SPNS1: variants seen among roughly 807,000 people sequenced by gnomAD.
The protein encoded by SPNS1 is SPNS lysolipid transporter 1, lysophospholipid.
In SPNS1, 22 loss-of-function variants were observed where a neutral mutation model predicts 50.3. That is an observed-to-expected ratio of 0.44 (90% CI 0.31 to 0.62). The LOEUF (loss-of-function observed/expected upper bound fraction) is 0.62, where lower values mean the gene tolerates loss of function less well. SPNS1 is among the 20% of genes least tolerant of loss of function. SPNS1 has a pLI of 0.07. For missense variants in SPNS1, 576 were observed against 728.6 expected, an observed-to-expected ratio of 0.79 and a Z score of 2.41; for synonymous variants, 295 against 317.4, an observed-to-expected ratio of 0.93 and a Z score of 0.75.
At chr16:28,977,358 A>G (rs984733846) in intron 2 of SPNS1, among the ~76,000 whole-genome samples, 1 of 150,556 alleles carries the variant, frequency 6.6e-6, no homozygotes, top group African/African-American at 2.4e-5. Context: ...TGTGAGAGTC[A>G]GGTACTGGAT....
chr16:28,979,727 CTTT>C (rs925986215), intron 5 of SPNS1: 1 of 445,876 alleles, frequency 2.2e-6, no homozygotes, highest in Non-Finnish European at 4.1e-6. Flanking sequence ...ATTAAAAAAA[CTTT>C]TTCTTTTTGT....
At chr16:28,984,607 A>C, downstream of SPNS1, 1 of 611,588 alleles carries the variant, frequency 1.6e-6, no homozygotes. Flanking sequence ...TCTTCACCCC[A>C]GGGCTCCTGA....
intron 2 of SPNS1, 77 bp downstream of exon 2, chr16:28,975,634 T>A: frequency 2.0e-6 from 3 of 1,522,362 alleles, no homozygotes; most frequent in Non-Finnish European, 2.7e-6. Flanking sequence ...CGCTGGCCTG[T>A]CTAGGGGCTC....
downstream of SPNS1, chr16:28,984,752 C>G: frequency 2.0e-6 from 2 of 998,254 alleles, no homozygotes; most frequent in Middle Eastern, 4.1e-4. Flanking sequence ...TCCCTGGAGC[C>G]TGTCCCTTGC....
At chr16:28,979,112 G>GT in intron 3 of SPNS1, 43 bp from the exon 4 acceptor site, 1 of 1,595,528 alleles carries the variant, frequency 6.3e-7, no homozygotes, top group South Asian at 1.1e-5. Flanking sequence ...CCGGAGGCTG[G>GT]TTGCAGGCTG....
rs1783032287 is a variant in SPNS1, at chr16:28,975,049, C to T, written c.-103C>T. 2 of 1,434,246 alleles carry T rather than the reference C, an allele frequency of 1.4e-6. No individual in the cohort carries two copies. The highest frequency in any genetic ancestry group is 1.8e-6 in the Non-Finnish European group (2 of 1,097,298). 88.8% of individuals were successfully genotyped at this position (1,434,246 alleles called of 1,614,324 possible). A position where few individuals can be genotyped will look rare whatever the true frequency, so the allele number is the denominator to read the frequency against. ...AAGCTCCCCGTCTCCGGGCGCACTTCCCTCGCCTGTGTTCGGTCCATCCTC... is the reference window on the plus strand; with the variant it reads ...AAGCTCCCCGTCTCCGGGCGCACTTTCCTCGCCTGTGTTCGGTCCATCCTC... On this transcript the variant is annotated 5_prime_UTR_variant, in exon 1 of 12. Transcript: ENST00000311008.
At chr16:28,984,130 G>GCTGC in intron 11 of SPNS1, 75 bp from the exon 12 acceptor site, 2 of 1,481,218 alleles carry the variant, frequency 1.4e-6, no homozygotes, top group Non-Finnish European at 1.8e-6. Context: ...TCCATTTCCC[G>GCTGC]CTGCCTGTTT....
chr16:28,979,351 G>T lies in SPNS1; in HGVS notation c.596+45G>T, dbSNP rs531218253. ...GGGGGAAGGCAGAAGGGCCTGGTGT[G>T]GGGGACTGGACTGACTGGCTGTCCC... On this transcript the variant is annotated intron_variant, in intron 4 of 11. Coordinates refer to ENST00000311008, the MANE Select transcript of SPNS1 (RefSeq NM_032038.3). 131 of 1,614,030 alleles carry T rather than the reference G, an allele frequency of 8.1e-5. 1 individual carries two copies. In the South Asian group the frequency reaches 1.3e-3, roughly 16 times the overall value.
chr16:28,983,781 T>G lies in SPNS1; in HGVS notation c.1321-5T>G. 1.3e-6 allele frequency: 2 copies of G among 1,580,538 alleles called. No individual in the cohort carries two copies. Among genetic ancestry groups the G allele is most frequent in the Non-Finnish European group, 1.7e-6 (2 of 1,164,556 alleles). ...CCCTGGCTTTCCTGTCTCCTCTCCC[T>G]GCAGATCTCTGACCGCCTGCGCCGG... On this transcript the variant is annotated splice_region_variant and splice_polypyrimidine_tract_variant and intron_variant, in intron 10 of 11. Coordinates refer to ENST00000311008, the MANE Select transcript of SPNS1 (RefSeq NM_032038.3). This position sits in a 1 kb window ranked among gnomAD's most constrained non-coding sequence, Gnocchi z 5.4.
In SPNS1 at chr16:28,981,782, G is replaced by C; in HGVS notation, c.810-119G>C. On this transcript the variant is annotated intron_variant, in intron 6 of 11. Coordinates refer to ENST00000311008, the MANE Select transcript of SPNS1 (RefSeq NM_032038.3). This position sits in a 1 kb window ranked among gnomAD's most constrained non-coding sequence, Gnocchi z 4.2. ...TTACAGGCCCAGATCCTGGGAGCCAGAACCACCTCTGCACGGTGTTGTGAC... is the reference window on the plus strand; with the variant it reads ...TTACAGGCCCAGATCCTGGGAGCCACAACCACCTCTGCACGGTGTTGTGAC... The C allele has an allele frequency of 2.0e-6, 3 of 1,503,352 alleles. No individual in the cohort carries two copies. The highest frequency in any genetic ancestry group is 2.7e-6 in the Non-Finnish European group (3 of 1,105,578). The allele number at this position is 1,503,352 out of a possible 1,614,324, so 93.1% of individuals were successfully genotyped here. A position where few individuals can be genotyped will look rare whatever the true frequency, so the allele number is the denominator to read the frequency against.
At chr16:28,978,174 AC>A in intron 3 of SPNS1, 130 bp downstream of exon 3, 1 of 1,287,742 alleles carries the variant, frequency 7.8e-7, no homozygotes, top group Non-Finnish European at 1.1e-6. Context: ...GCCATTTTAT[AC>A]CCCTCCTTGC....
At position 28,981,293 on chromosome 16, in the gene SPNS1, G is replaced by A. The variant is rs2141673209; in HGVS notation, c.664-177G>A. On this transcript the variant is annotated intron_variant, in intron 5 of 11. Transcript: ENST00000311008. The surrounding 1 kb of genome is among the most constrained non-coding windows in gnomAD (Gnocchi z 4.2). The stretch of plus-strand genomic sequence containing the variant: ...AGACAAAGCTAGGCTTGCAAAAATA[G>A]GGTGGCCCCTAGTGGCAGCCCCCTT... 6.6e-6 allele frequency among the ~76,000 whole-genome samples: 1 copy of A among 152,306 alleles called. No homozygotes were observed. The highest frequency in any genetic ancestry group is 2.1e-4 in the South Asian group (1 of 4,830).
At chr16:28,976,212 C>T (rs1965337388) in intron 2 of SPNS1, among the ~76,000 whole-genome samples, 1 of 152,172 alleles carries the variant, frequency 6.6e-6, no homozygotes, top group Non-Finnish European at 1.5e-5. Context: ...GCAGAGGTTG[C>T]AGTGAGCCGA....
At position 28,981,985 on chromosome 16, in the gene SPNS1, G is replaced by A. The variant is rs764180635; in HGVS notation, c.894G>A (p.Leu298=). ...TGGCTCTGTGGGCTCCGGCATTCCT[G>A]CTGCGTTCCCGCGTGGTCCTTGGGG... The part of the protein sequence containing the change: ...GSLALWAPAF[L]LRSRVVLGET... The change falls in exon 7 of 12, where the codon CTG becomes CTA. Residue 298 remains leucine, a synonymous_variant. Transcript: ENST00000311008. The surrounding 1 kb of genome is among the most constrained non-coding windows in gnomAD (Gnocchi z 4.2). 1.9e-6 allele frequency: 3 copies of A among 1,614,088 alleles called. No individual in the cohort carries two copies. In the African/African-American group the frequency reaches 4.0e-5, roughly 22 times the overall value.
In SPNS1 at chr16:28,984,404, C is replaced by A. The variant is rs1478168834; in HGVS notation, c.*105C>A. On this transcript the variant is annotated 3_prime_UTR_variant, in exon 12 of 12. Transcript: ENST00000311008. ...TGGCCTGGCCCAGCTTCCAGAGGGA[C>A]CCTGGGCCGTGTGCCAGCTCCCAGA... 3.4e-6 allele frequency: 4 copies of A among 1,171,220 alleles called. No homozygotes were observed. Among genetic ancestry groups the A allele is most frequent in the African/African-American group, 1.5e-5 (1 of 65,904 alleles). The allele number at this position is 1,171,220 out of a possible 1,614,324, so 72.6% of individuals were successfully genotyped here.
Position 28,982,541 on chromosome 16 carries a change from C to T in SPNS1, c.1151C>T (p.Thr384Ile). Residue 384 changes from threonine (T) to isoleucine (I), a missense_variant, in exon 8 of 12, where the codon ACT becomes ATT. Physicochemically the swap from Thr to Ile is moderately conservative, Grantham distance 89. Coordinates refer to ENST00000311008, the MANE Select transcript of SPNS1 (RefSeq NM_032038.3). The stretch of plus-strand genomic sequence containing the variant: ...TGCGCCCGTGGTAGCATCGTGGCCA[C>T]TTATGTGAGTAGCCAGCAGGTGTCA... ...LACARGSIVA[T>I]YIFIFIGETL... 2 of 1,604,700 alleles carry T rather than the reference C, an allele frequency of 1.2e-6. No individual in the cohort carries two copies. The highest frequency in any genetic ancestry group is 1.7e-6 in the Non-Finnish European group (2 of 1,174,646).
chr16:28,983,020 C>A lies in SPNS1; in HGVS notation c.1221+98C>A. 1 of 1,385,048 alleles carries A rather than the reference C, an allele frequency of 7.2e-7. No homozygotes were observed. The highest frequency in any genetic ancestry group is 1.0e-6 in the Non-Finnish European group (1 of 979,766). The allele number at this position is 1,385,048 out of a possible 1,614,324, so 85.8% of individuals were successfully genotyped here. A position where few individuals can be genotyped will look rare whatever the true frequency, so the allele number is the denominator to read the frequency against. On this transcript the variant is annotated intron_variant, in intron 9 of 11. Coordinates refer to ENST00000311008, the MANE Select transcript of SPNS1 (RefSeq NM_032038.3). This position sits in a 1 kb window ranked among gnomAD's most constrained non-coding sequence, Gnocchi z 5.4. ...CTACCCCTCAAAGCCCAGCCTCAAC[C>A]TACCTTCTGCAATAAATAACATCTG...
chr16:28,975,111 C>T lies in SPNS1; in HGVS notation c.-41C>T, dbSNP rs1596739765. The T allele has an allele frequency of 2.7e-6, 4 of 1,461,650 alleles. No homozygotes were observed. Among genetic ancestry groups the T allele is most frequent in the East Asian group, 2.5e-5 (1 of 39,752 alleles). 90.5% of individuals were successfully genotyped at this position (1,461,650 alleles called of 1,614,324 possible). On this transcript the variant is annotated 5_prime_UTR_variant, in exon 1 of 12. Coordinates refer to ENST00000311008, the MANE Select transcript of SPNS1 (RefSeq NM_032038.3). ...CTCCTCCCCTCGCAGGTGGGATCGTCGGTGGGACCGGAGCGCGGGCGGGCG... is the reference window on the plus strand; with the variant it reads ...CTCCTCCCCTCGCAGGTGGGATCGTTGGTGGGACCGGAGCGCGGGCGGGCG...
intron 2 of SPNS1, among the ~76,000 whole-genome samples, chr16:28,977,460 G>A (rs879587417): frequency 2.6e-5 from 4 of 152,162 alleles, no homozygotes; most frequent in Non-Finnish European, 5.9e-5. Flanking sequence ...AAGTTTCAGG[G>A]GGAGAGGAGA....
Sources: allele counts gnomAD v4.1 joint callset (sites outside exome capture counted in the v4.1 genomes callset), GRCh38; gene constraint gnomAD v4.1.1; non-coding constraint Gnocchi (gnomAD v3.1); transcripts MANE v1.5; gene names NCBI Gene and HGNC (gene_info 2026-07-23, HGNC 2026-07-21).